The following FAT3 variants were observed in gnomAD, a reference collection of about 807,000 sequenced individuals.
The protein encoded by FAT3 is FAT atypical cadherin 3, also known as protocadherin Fat 3.
A neutral mutation model predicts 310.2 loss-of-function variants in FAT3; 95 were observed. The ratio of observed to expected loss-of-function variants is 0.31; its 90% CI spans 0.26 to 0.36. The LOEUF (loss-of-function observed/expected upper bound fraction) is 0.36, where lower values mean the gene tolerates loss of function less well. FAT3 is among the 10% of genes least tolerant of loss of function. The pLI, the probability that FAT3 is intolerant of heterozygous loss-of-function variation, is 1.00. For missense variants in FAT3, 5,408 were observed against 5,715.6 expected (o/e 0.95, Z 1.74); for synonymous variants, 2,314 against 2,192.9 (o/e 1.06, Z -1.54).
At position 92,631,117 on chromosome 11, in the gene FAT3, C is replaced by T. The variant is rs778471340; in HGVS notation, c.3608-66267C>T. Among the ~76,000 whole-genome samples, 5 of 152,334 alleles carry T rather than the reference C, an allele frequency of 3.3e-5. No homozygotes were observed. In the East Asian group the frequency reaches 7.7e-4, roughly 24 times the overall value. Reference sequence around the variant, plus strand: ...CAAACTAGGTCAGCTGGAATCTTCTCTCACACTGAGAGGGTGGCTATTTTG... The same window carrying T: ...CAAACTAGGTCAGCTGGAATCTTCTTTCACACTGAGAGGGTGGCTATTTTG... On this transcript the variant is annotated intron_variant, in intron 3 of 27. Coordinates refer to ENST00000525166, the MANE Select transcript of FAT3 (RefSeq NM_001367949.2).
chr11:92,804,825 C>T (rs571233857), intron 10 of FAT3, among the ~76,000 whole-genome samples: 5 of 152,142 alleles, frequency 3.3e-5, no homozygotes, highest in African/African-American at 4.8e-5. Context: ...AGTGGAAAGA[C>T]GATTGTGTCA....
At chr11:92,702,806 A>G (rs908327260) in intron 4 of FAT3, among the ~76,000 whole-genome samples, 2 of 152,170 alleles carry the variant, frequency 1.3e-5, no homozygotes, top group African/African-American at 2.4e-5. Flanking sequence ...TCAGGGCTGG[A>G]TGGTTCTGAT....
chr11:92,650,580 G>C (rs547130567), intron 3 of FAT3, among the ~76,000 whole-genome samples: 2 of 152,234 alleles, frequency 1.3e-5, no homozygotes, highest in South Asian at 2.1e-4. Context: ...GCCCTGATTG[G>C]TAATGCTTGC....
At chr11:92,812,442 A>G (rs914096445) in intron 13 of FAT3, among the ~76,000 whole-genome samples, 1 of 151,984 alleles carries the variant, frequency 6.6e-6, no homozygotes, top group African/African-American at 2.4e-5. Flanking sequence ...TTAGCCAGGC[A>G]TGGTGGTACT....
intron 3 of FAT3, among the ~76,000 whole-genome samples, chr11:92,630,049 C>T (rs56021037): frequency 0.26 from 39,784 of 152,024 alleles, 5,976 homozygotes; most frequent in Non-Finnish European, 0.33. Context: ...TAATTCCTCT[C>T]ATCTTAATCA....
chr11:92,305,126 A>C (rs1162181498), intron 1 of FAT3, among the ~76,000 whole-genome samples: 1 of 152,090 alleles, frequency 6.6e-6, no homozygotes, highest in East Asian at 1.9e-4. Context: ...CCTTTGTTGC[A>C]GTAGATCTGC....
chr11:92,561,143 C>T (rs1955210482), intron 3 of FAT3, among the ~76,000 whole-genome samples: 1 of 152,138 alleles, frequency 6.6e-6, no homozygotes, highest in Non-Finnish European at 1.5e-5. Flanking sequence ...GGAAAATTCT[C>T]CAAATTTCAG....
At chr11:92,541,727 T>C (rs900039650) in intron 3 of FAT3, among the ~76,000 whole-genome samples, 2 of 152,110 alleles carry the variant, frequency 1.3e-5, no homozygotes, top group Non-Finnish European at 2.9e-5. Flanking sequence ...CCCTCCTACC[T>C]CTGTGAAACT....
At chr11:92,521,852 C>T (rs867363000) in intron 2 of FAT3, among the ~76,000 whole-genome samples, 1 of 152,084 alleles carries the variant, frequency 6.6e-6, no homozygotes, top group African/African-American at 2.4e-5. Context: ...GCCTCCCATC[C>T]CCTTCTGGTT....
intron 3 of FAT3, among the ~76,000 whole-genome samples, chr11:92,536,962 G>A (rs1358411549): frequency 6.6e-6 from 1 of 152,072 alleles, no homozygotes; most frequent in Non-Finnish European, 1.5e-5. Context: ...TATTAACAGT[G>A]GACAAGTTTA....
At chr11:92,613,546 A>G (rs1940666429) in intron 3 of FAT3, among the ~76,000 whole-genome samples, 1 of 152,148 alleles carries the variant, frequency 6.6e-6, no homozygotes, top group Admixed American at 6.5e-5. Flanking sequence ...ATGAGCATAT[A>G]TGTATGCATA....
chr11:92,682,468 T>A (rs968440508), intron 3 of FAT3, among the ~76,000 whole-genome samples: 1 of 152,194 alleles, frequency 6.6e-6, no homozygotes, highest in Non-Finnish European at 1.5e-5. Flanking sequence ...AAGTCACTGC[T>A]CCTAGCTGGG....
intron 13 of FAT3, among the ~76,000 whole-genome samples, chr11:92,812,274 A>C (rs1947694732): frequency 6.6e-6 from 1 of 152,204 alleles, no homozygotes; most frequent in African/African-American, 2.4e-5. Context: ...CTGGAAGCTG[A>C]GTTTGCACAT....
chr11:92,639,256 C>T (rs577401973), intron 3 of FAT3, among the ~76,000 whole-genome samples: 7 of 152,298 alleles, frequency 4.6e-5, no homozygotes, highest in African/African-American at 1.7e-4. Context: ...ATCTGCCACT[C>T]TAGAGCAAAC....
rs1228256015 is a variant in FAT3 at position 92,857,301 on chromosome 11, G to A, written c.11453G>A (p.Arg3818Lys). Residue 3818 changes from arginine (R) to lysine (K), a missense_variant, in exon 20 of 28, where the codon AGA (arginine) becomes AAA (lysine). Around this residue, in one of 5 missense-constraint regions of FAT3, gnomAD observed 4,588 missense variants for 4,809.8 expected, o/e 0.95. Coordinates refer to ENST00000525166, the MANE Select transcript of FAT3 (RefSeq NM_001367949.2). The stretch of plus-strand genomic sequence containing the variant: ...TGTGTCAGTTATGAAGCCAGCAGGA[G>A]ACCGTTCCTCTGCCAGTGTCCACCA... ...MQCVSYEASR[R>K]PFLCQCPPGK... The A allele has an allele frequency of 1.9e-6, 3 of 1,614,010 alleles. No homozygotes were observed. The highest frequency in any genetic ancestry group is 3.3e-5 in the Admixed American group (2 of 60,032).
chr11:92,712,166 C>T (rs747115080), intron 4 of FAT3, among the ~76,000 whole-genome samples: 12 of 152,106 alleles, frequency 7.9e-5, no homozygotes, highest in Non-Finnish European at 1.5e-4. Flanking sequence ...TCTGAGAGGG[C>T]ACATATGCCT....
At chr11:92,390,972 G>C (rs568799448) in intron 2 of FAT3, among the ~76,000 whole-genome samples, 1 of 152,260 alleles carries the variant, frequency 6.6e-6, no homozygotes, top group African/African-American at 2.4e-5. Flanking sequence ...TGTGTGCAGG[G>C]GGAAGCCATC....
intron 2 of FAT3, among the ~76,000 whole-genome samples, chr11:92,415,310 C>G (rs1269975081): frequency 6.6e-6 from 1 of 152,142 alleles, no homozygotes; most frequent in Non-Finnish European, 1.5e-5. Flanking sequence ...TGAGGACATT[C>G]CACAGATTGA....
chr11:92,444,666 G>T (rs958535794), intron 2 of FAT3, among the ~76,000 whole-genome samples: 1 of 137,496 alleles, frequency 7.3e-6, no homozygotes, highest in Admixed American at 7.0e-5. Flanking sequence ...TACTGGGGGG[G>T]GGGGAAAACA....
Sources: gnomAD v4.1 joint callset for allele counts (sites outside exome capture counted in the v4.1 genomes callset) on GRCh38, gnomAD v4.1.1 for gene constraint, gnomAD v4.1.1 regional missense constraint, MANE v1.5 for transcripts, NCBI Gene and HGNC (gene_info 2026-07-23, HGNC 2026-07-21) for gene names.